Variants in XKR4 observed in about 807,000 individuals in gnomAD.
XKR4 encodes the protein XK-related protein 4.
Under a neutral mutation model 53.9 loss-of-function variants are expected in XKR4, and 12 were observed. That is an observed-to-expected ratio of 0.22 (90% CI 0.14 to 0.36). XKR4 has a LOEUF of 0.36. Ranked by LOEUF, XKR4 falls within the 10% of genes least tolerant of loss-of-function variation. The pLI is 1.00. For missense variants in XKR4, 799 were observed against 859.5 expected (o/e 0.93, Z 0.88); for synonymous variants, 354 against 362.4 (o/e 0.98, Z 0.26).
At chr8:55,210,843 T>A (rs932419020) in intron 1 of XKR4, among the ~76,000 whole-genome samples, 5 of 152,222 alleles carry the variant, frequency 3.3e-5, no homozygotes, top group African/African-American at 1.2e-4. Context: ...GGTGTCTCAT[T>A]TGCATAAGGT....
intron 1 of XKR4, among the ~76,000 whole-genome samples, chr8:55,251,535 A>G (rs906439500): frequency 1.3e-5 from 2 of 152,252 alleles, no homozygotes; most frequent in African/African-American, 4.8e-5. Context: ...AATGGGTCCT[A>G]TAGATCCATA....
chr8:55,331,657 A>G (rs565204106), intron 1 of XKR4, among the ~76,000 whole-genome samples: 1 of 152,258 alleles, frequency 6.6e-6, no homozygotes, highest in Admixed American at 6.5e-5. Flanking sequence ...TAATTGTTAA[A>G]TCTGTTTGAT....
intron 1 of XKR4, among the ~76,000 whole-genome samples, chr8:55,109,278 T>C (rs969699865): frequency 8.5e-5 from 13 of 152,210 alleles, no homozygotes; most frequent in African/African-American, 2.9e-4. Flanking sequence ...GAAGATCATC[T>C]TCCAGCTCTG....
chr8:55,317,403 G>T (rs115147372), intron 1 of XKR4, among the ~76,000 whole-genome samples: 3,517 of 152,168 alleles, frequency 0.023, 131 homozygotes, highest in African/African-American at 0.079. Context: ...TTTTGAGGCT[G>T]GGGTTTTAGT....
At chr8:55,375,972 A>G (rs1029391250) in intron 2 of XKR4, among the ~76,000 whole-genome samples, 2 of 152,196 alleles carry the variant, frequency 1.3e-5, no homozygotes, top group African/African-American at 4.8e-5. Flanking sequence ...AAGTGAGAAC[A>G]TGCGGTGTTT....
Position 55,452,619 on chromosome 8 carries a change from T to A in XKR4, c.1007-70662T>A, listed in dbSNP as rs1159108044. 3 of 1,201,420 alleles carry A rather than the reference T, an allele frequency of 2.5e-6. No homozygotes were observed. In the East Asian group the frequency reaches 7.0e-5, roughly 28 times the overall value. The allele number at this position is 1,201,420 out of a possible 1,614,324, so 74.4% of individuals were successfully genotyped here. On this transcript the variant is annotated intron_variant, in intron 2 of 2. Coordinates refer to ENST00000327381, the MANE Select transcript of XKR4 (RefSeq NM_052898.2). ...GGTCTTAATGTTTATCTGGACGATG[T>A]CTGGCACCATGACATGCAGCCCCTT... is the stretch of plus-strand genomic sequence containing the variant.
At chr8:55,516,220 A>T (rs1306439512) in intron 2 of XKR4, among the ~76,000 whole-genome samples, 1 of 152,202 alleles carries the variant, frequency 6.6e-6, no homozygotes, top group Non-Finnish European at 1.5e-5. Flanking sequence ...ATATGCACTA[A>T]AGAAACTATA....
At chr8:55,464,663 G>T (rs1440741518) in intron 2 of XKR4, among the ~76,000 whole-genome samples, 4 of 152,092 alleles carry the variant, frequency 2.6e-5, no homozygotes, top group Non-Finnish European at 5.9e-5. Context: ...AGGAAATAAA[G>T]GGTATTCAAT....
intron 1 of XKR4, among the ~76,000 whole-genome samples, chr8:55,253,785 A>G (rs1008066463): frequency 4.7e-5 from 6 of 127,608 alleles, no homozygotes; most frequent in African/African-American, 1.9e-4. Flanking sequence ...CCAGGTTGGG[A>G]TGCAGTGGCA....
intron 1 of XKR4, among the ~76,000 whole-genome samples, chr8:55,145,211 C>A (rs765049540): frequency 3.3e-5 from 5 of 152,128 alleles, no homozygotes; most frequent in African/African-American, 1.2e-4. Context: ...CACGCCTACT[C>A]ATTCCTGTGG....
intron 1 of XKR4, among the ~76,000 whole-genome samples, chr8:55,332,739 T>G (rs920056700): frequency 3.9e-5 from 6 of 152,116 alleles, no homozygotes; most frequent in African/African-American, 1.4e-4. Context: ...TTCAGCTGTT[T>G]GTATTTGTAT....
At chr8:55,482,303 A>T (rs922664816) in intron 2 of XKR4, among the ~76,000 whole-genome samples, 1 of 152,116 alleles carries the variant, frequency 6.6e-6, no homozygotes, top group African/African-American at 2.4e-5. Flanking sequence ...AGGACAAAAA[A>T]CCAAACACCG....
chr8:55,291,400 A>G (rs529631602), intron 1 of XKR4, among the ~76,000 whole-genome samples: 3 of 152,316 alleles, frequency 2.0e-5, no homozygotes, highest in Admixed American at 6.5e-5. Flanking sequence ...TCTACAAACA[A>G]TCTTGCTGGA....
chr8:55,173,667 G>A (rs1370785546), intron 1 of XKR4, among the ~76,000 whole-genome samples: 1 of 152,152 alleles, frequency 6.6e-6, no homozygotes, highest in Non-Finnish European at 1.5e-5. Flanking sequence ...AACTCACATA[G>A]GTCAATTACA....
At chr8:55,144,485 T>C (rs1816745313) in intron 1 of XKR4, among the ~76,000 whole-genome samples, 1 of 152,160 alleles carries the variant, frequency 6.6e-6, no homozygotes, top group Non-Finnish European at 1.5e-5. Context: ...GCTATTCAGC[T>C]CCAGGCAACC....
At chr8:55,206,450 G>T (rs189927644) in intron 1 of XKR4, among the ~76,000 whole-genome samples, 9 of 151,908 alleles carry the variant, frequency 5.9e-5, no homozygotes, top group Non-Finnish European at 1.3e-4. Context: ...CTCTCATTAG[G>T]GCATATATTA....
chr8:55,415,588 C>A (rs1300426723), intron 2 of XKR4, among the ~76,000 whole-genome samples: 1 of 152,108 alleles, frequency 6.6e-6, no homozygotes, highest in African/African-American at 2.4e-5. Context: ...TGCAGGAAAC[C>A]CATGTCTCCT....
intron 2 of XKR4, 78 bp from the exon 3 acceptor site, chr8:55,523,203 C>T (rs1189531760): frequency 1.5e-6 from 2 of 1,319,800 alleles, no homozygotes; most frequent in Non-Finnish European, 2.0e-6. Flanking sequence ...CTTCCCCAAG[C>T]CCCCAGCTCT....
chr8:55,452,962 C>T (rs1039701982), intron 2 of XKR4: 4 of 748,964 alleles, frequency 5.3e-6, no homozygotes, highest in Non-Finnish European at 9.7e-6. Flanking sequence ...TGCTGCTTCT[C>T]ACCGCTCAGG....
Sources: gnomAD v4.1 joint callset for allele counts (sites outside exome capture counted in the v4.1 genomes callset) on GRCh38, gnomAD v4.1.1 for gene constraint, MANE v1.5 for transcripts, NCBI Gene and HGNC (gene_info 2026-07-23, HGNC 2026-07-21) for gene names.